DPF3: variants seen among roughly 807,000 people sequenced by gnomAD.
DPF3 encodes double PHD fingers 3, also known as zinc finger protein DPF3.
A neutral mutation model predicts 56.8 loss-of-function variants in DPF3; 18 were observed. The observed-to-expected ratio is 0.32, with a 90% CI of 0.22 to 0.47. The LOEUF is 0.47. Ranked by LOEUF, DPF3 falls within the 20% of genes least tolerant of loss-of-function variation. DPF3 has a pLI of 1.00. For synonymous variants in DPF3, 188 were observed against 180.2 expected, an observed-to-expected ratio of 1.04 and a Z score of -0.35; for missense variants, 403 against 488.8, an observed-to-expected ratio of 0.82 and a Z score of 1.65.
intron 7 of DPF3, among the ~76,000 whole-genome samples, chr14:72,677,939 C>A (rs549227150): frequency 6.6e-6 from 1 of 151,166 alleles, no homozygotes; most frequent in African/African-American, 2.4e-5. Context: ...CCTGGTCATG[C>A]CTATCCACTC....
At chr14:72,680,701 A>G (rs1419466392) in intron 7 of DPF3, among the ~76,000 whole-genome samples, 2 of 152,266 alleles carry the variant, frequency 1.3e-5, no homozygotes, top group African/African-American at 4.8e-5. Flanking sequence ...AGGTGAGAAG[A>G]TGAGCTGGAA....
At chr14:72,788,972 A>G (rs184633409) in intron 1 of DPF3, among the ~76,000 whole-genome samples, 22 of 152,342 alleles carry the variant, frequency 1.4e-4, no homozygotes, top group Admixed American at 3.9e-4. Flanking sequence ...TTTATCTTCT[A>G]GTCTTCACAT....
chr14:72,695,809 T>C (rs1005478605), intron 6 of DPF3, among the ~76,000 whole-genome samples: 1 of 152,154 alleles, frequency 6.6e-6, no homozygotes, highest in South Asian at 2.1e-4. Context: ...ATGTAATATA[T>C]GCATGTAACA....
chr14:72,784,696 C>T (rs1345289438), intron 1 of DPF3, among the ~76,000 whole-genome samples: 5 of 152,040 alleles, frequency 3.3e-5, no homozygotes, highest in Admixed American at 1.3e-4. Context: ...CAGGGGCTCA[C>T]GCCTGTAATC....
At chr14:72,621,377 T>C (rs756373664) in intron 9 of DPF3, among the ~76,000 whole-genome samples, 19 of 152,034 alleles carry the variant, frequency 1.2e-4, no homozygotes, top group Non-Finnish European at 2.1e-4. Flanking sequence ...TTGGTGATTG[T>C]TGAAACTGTT....
chr14:72,889,503 C>T (rs777209550), intron 1 of DPF3, among the ~76,000 whole-genome samples: 3 of 152,112 alleles, frequency 2.0e-5, no homozygotes, highest in Admixed American at 6.6e-5. Context: ...CACAAAGTCC[C>T]GGCCTCAATG....
In DPF3 at chr14:72,613,739, G is replaced by A. The variant is rs1384039648; in HGVS notation, c.*5558C>T. Among the ~76,000 whole-genome samples the A allele has an allele frequency of 6.6e-6, 1 of 152,152 alleles. No homozygotes were observed. Among genetic ancestry groups the A allele is most frequent in the Non-Finnish European group, 1.5e-5 (1 of 68,030 alleles). On this transcript the variant is annotated 3_prime_UTR_variant, in exon 11 of 11. Transcript: ENST00000556509. ...TCTAGAAAACCCATGGTACGGAACT[G>A]GCAAGCCCGGACCCCTCCTCCTCAG...
At position 72,657,543 on chromosome 14, in the gene DPF3, G is replaced by C. The variant is rs551525203; in HGVS notation, c.871+16697C>G. Among the ~76,000 whole-genome samples the C allele has an allele frequency of 2.6e-5, 4 of 152,262 alleles. No individual in the cohort carries two copies. The East Asian group carries it at 7.7e-4, about 29-fold the overall frequency. On this transcript the variant is annotated intron_variant, in intron 8 of 10. Transcript: ENST00000556509. ...TGGCCATGAAATAGTTTACAGTACT[G>C]ATCATGAAATGCATCAGTAGCCTTT...
chr14:72,639,251 T>C (rs144529216), intron 8 of DPF3, among the ~76,000 whole-genome samples: 1 of 152,328 alleles, frequency 6.6e-6, no homozygotes, highest in East Asian at 1.9e-4. Flanking sequence ...CCAGGAACTG[T>C]ACAAGGTGCT....
chr14:72,842,632 A>G (rs1183836412), intron 1 of DPF3, among the ~76,000 whole-genome samples: 2 of 152,134 alleles, frequency 1.3e-5, no homozygotes, highest in Non-Finnish European at 2.9e-5. Flanking sequence ...AGCATGCTCA[A>G]CTTGTGAATT....
intron 8 of DPF3, among the ~76,000 whole-genome samples, chr14:72,633,378 G>A (rs1209502915): frequency 2.6e-5 from 4 of 152,038 alleles, no homozygotes; most frequent in Non-Finnish European, 4.4e-5. Context: ...AAGTATCTAG[G>A]GAAAGAAAGG....
chr14:72,877,812 T>C (rs1414138692), intron 1 of DPF3, among the ~76,000 whole-genome samples: 2 of 152,146 alleles, frequency 1.3e-5, no homozygotes, highest in Non-Finnish European at 2.9e-5. Context: ...AATTGAATGG[T>C]CCGAACCTGT....
chr14:72,619,505 G>T, intron 10 of DPF3, 138 bp from the exon 11 acceptor site: 1 of 954,718 alleles, frequency 1.0e-6, no homozygotes, highest in Non-Finnish European at 1.6e-6. Context: ...CTGAAAACGT[G>T]CCAGAGTCTG....
chr14:72,634,612 C>T (rs796165850), intron 8 of DPF3, among the ~76,000 whole-genome samples: 6 of 152,142 alleles, frequency 3.9e-5, no homozygotes, highest in African/African-American at 1.4e-4. Context: ...GGATCCCTAT[C>T]TTAATCTCTT....
chr14:72,692,560 T>C (rs925264991), intron 7 of DPF3, among the ~76,000 whole-genome samples: 1 of 152,158 alleles, frequency 6.6e-6, no homozygotes, highest in African/African-American at 2.4e-5. Flanking sequence ...GCAAAGAACA[T>C]GGGGTCTCCA....
rs946271092 is a variant in DPF3 at position 72,718,506 on chromosome 14, C to T, written c.526-4005G>A. On this transcript the variant is annotated intron_variant, in intron 5 of 10. Transcript: ENST00000556509. ...GGCATCCAGTGGAGTCTTCCAGAGG[C>T]GACATGACACGTGACGATGCTGTCA... 4.6e-5 allele frequency among the ~76,000 whole-genome samples: 7 copies of T among 152,128 alleles called. No individual in the cohort carries two copies. In the East Asian group the frequency reaches 7.7e-4, roughly 17 times the overall value.
intron 8 of DPF3, 178 bp downstream of exon 8, chr14:72,674,062 T>C: frequency 1.0e-6 from 1 of 972,480 alleles, no homozygotes; most frequent in Non-Finnish European, 1.4e-6. Flanking sequence ...GGGCATAACT[T>C]TTGGTTCTTG....
At chr14:72,689,204 T>TAGG (rs1887567296) in intron 7 of DPF3, among the ~76,000 whole-genome samples, 1 of 151,928 alleles carries the variant, frequency 6.6e-6, no homozygotes, top group Non-Finnish European at 1.5e-5. Flanking sequence ...AAGACAAAGC[T>TAGG]GGGGGGCGAT....
intron 1 of DPF3, among the ~76,000 whole-genome samples, chr14:72,848,725 T>C (rs539602212): frequency 1.3e-5 from 2 of 152,304 alleles, no homozygotes; most frequent in South Asian, 4.1e-4. Flanking sequence ...GACTACAATG[T>C]TTCCTGCTTT....
Sources: allele counts gnomAD v4.1 joint callset (sites outside exome capture counted in the v4.1 genomes callset), GRCh38; gene constraint gnomAD v4.1.1; transcripts MANE v1.5; gene names NCBI Gene and HGNC (gene_info 2026-07-23, HGNC 2026-07-21).